CHD6: variants seen among roughly 807,000 people sequenced by gnomAD.
CHD6 encodes chromodomain helicase DNA binding protein 6.
A neutral mutation model predicts 276.9 loss-of-function variants in CHD6; 50 were observed. The observed-to-expected ratio is 0.18, with a 90% CI of 0.14 to 0.23. CHD6 has a LOEUF of 0.23. Among genes scored for constraint, CHD6 ranks in the 10% least tolerant of loss-of-function variants. The pLI is 1.00. For synonymous variants in CHD6, 1,173 were observed against 1,229.3 expected (o/e 0.95, Z 0.96); for missense variants, 2,564 against 3,365.8 (o/e 0.76, Z 5.89).
In CHD6 at chr20:41,512,900, A is replaced by G; in HGVS notation, c.798T>C (p.Leu266=). ...VDDDGETIAV[L]GAGRTSALSA... is the part of the protein sequence containing the mutation. ...AGAGTGCAGATGTTCGACCAGCTCC[A>G]AGAACAGCAATTGTTTCCCCATCAT... The change falls in exon 5 of 37, where the codon CTT becomes CTC. Residue 266 remains leucine, a synonymous_variant. Coordinates refer to ENST00000373233, the MANE Select transcript of CHD6 (RefSeq NM_032221.5). 1.2e-6 allele frequency: 2 copies of G among 1,614,052 alleles called. No homozygotes were observed. The highest frequency in any genetic ancestry group is 1.7e-6 in the Non-Finnish European group (2 of 1,179,954).
intron 5 of CHD6, among the ~76,000 whole-genome samples, chr20:41,502,733 C>T (rs1431017206): frequency 3.9e-5 from 6 of 152,148 alleles, no homozygotes; most frequent in Admixed American, 2.0e-4. Flanking sequence ...TGGCTGGGCA[C>T]GGTGGCTCAT....
chr20:41,598,472 G>A (rs2045741511), intron 1 of CHD6, among the ~76,000 whole-genome samples: 1 of 152,194 alleles, frequency 6.6e-6, no homozygotes. Flanking sequence ...GTTAACGCTT[G>A]TGCAACGGGC....
intron 27 of CHD6, among the ~76,000 whole-genome samples, chr20:41,435,818 AG>A (rs1475214902): frequency 1.6e-4 from 25 of 152,318 alleles, no homozygotes; most frequent in African/African-American, 6.0e-4. Context: ...TTGAAAAAGA[AG>A]AAAAAAGTGG....
At chr20:41,579,577 A>G (rs146133362) in intron 1 of CHD6, among the ~76,000 whole-genome samples, 12 of 152,314 alleles carry the variant, frequency 7.9e-5, no homozygotes, top group African/African-American at 2.9e-4. Flanking sequence ...AACATCTGAT[A>G]CTAGTGGTCT....
At chr20:41,516,790 CA>C (rs2044262713) in intron 3 of CHD6, among the ~76,000 whole-genome samples, 3 of 152,192 alleles carry the variant, frequency 2.0e-5, no homozygotes, top group East Asian at 3.9e-4. Context: ...GCCATGAAAG[CA>C]GGTCCAGGAA....
chr20:41,609,324 A>T (rs1250936736), intron 1 of CHD6, among the ~76,000 whole-genome samples: 1 of 152,202 alleles, frequency 6.6e-6, no homozygotes, highest in Non-Finnish European at 1.5e-5. Flanking sequence ...CTAGAACTTG[A>T]CATCCTTAGA....
intron 36 of CHD6, among the ~76,000 whole-genome samples, chr20:41,407,498 A>G (rs768610448): frequency 5.9e-5 from 9 of 152,244 alleles, no homozygotes; most frequent in Non-Finnish European, 1.3e-4. Flanking sequence ...TCTATTTACA[A>G]TCTGCCTAAG....
chr20:41,486,734 C>T (rs1372123092), intron 14 of CHD6, among the ~76,000 whole-genome samples: 1 of 152,224 alleles, frequency 6.6e-6, no homozygotes, highest in African/African-American at 2.4e-5. Context: ...CATCTTCCCA[C>T]AATATAACCC....
intron 1 of CHD6, among the ~76,000 whole-genome samples, chr20:41,558,772 AT>A (rs1264319720): frequency 6.6e-6 from 1 of 151,826 alleles, no homozygotes; most frequent in Non-Finnish European, 1.5e-5. Context: ...TCCTCATTTC[AT>A]TCAGGACTCT....
intron 1 of CHD6, among the ~76,000 whole-genome samples, chr20:41,586,081 C>A (rs1283327327): frequency 6.6e-6 from 1 of 152,194 alleles, no homozygotes; most frequent in Non-Finnish European, 1.5e-5. Context: ...GGAGGAGGGA[C>A]AATGACTGGG....
intron 36 of CHD6, 113 bp from the exon 37 acceptor site, chr20:41,405,602 G>A (rs1281033871): frequency 2.6e-6 from 2 of 776,138 alleles, no homozygotes. Context: ...TGCACGAAGG[G>A]TTCCCAGTAC....
intron 12 of CHD6, among the ~76,000 whole-genome samples, chr20:41,489,097 T>C (rs753341078): frequency 7.9e-5 from 12 of 152,192 alleles, no homozygotes; most frequent in Admixed American, 2.0e-4. Context: ...AGCTTTGTTT[T>C]TCAGACTGTC....
intron 27 of CHD6, among the ~76,000 whole-genome samples, chr20:41,431,218 C>A (rs1484417067): frequency 2.0e-5 from 3 of 152,172 alleles, no homozygotes; most frequent in Admixed American, 2.0e-4. Flanking sequence ...TTGCTTCAAT[C>A]CACTGCTTCT....
intron 5 of CHD6, among the ~76,000 whole-genome samples, chr20:41,511,498 C>G (rs1431376589): frequency 6.6e-6 from 1 of 152,202 alleles, no homozygotes; most frequent in South Asian, 2.1e-4. Context: ...TTCCTTGACA[C>G]TGCTGTCAAT....
chr20:41,440,963 T>C (rs2047884140), intron 25 of CHD6, among the ~76,000 whole-genome samples: 1 of 152,210 alleles, frequency 6.6e-6, no homozygotes, highest in African/African-American at 2.4e-5. Context: ...TGTTCTCGTA[T>C]CACTGTTGAT....
At chr20:41,472,251 A>G (rs6016564) in intron 17 of CHD6, among the ~76,000 whole-genome samples, 34,862 of 151,534 alleles carry the variant, frequency 0.23, 4,190 homozygotes, top group East Asian at 0.39. Flanking sequence ...CAAAAAAAAA[A>G]AAAAAAGAAA....
intron 1 of CHD6, among the ~76,000 whole-genome samples, chr20:41,587,835 A>C (rs1008538822): frequency 6.6e-5 from 10 of 152,262 alleles, no homozygotes; most frequent in African/African-American, 2.4e-4. Flanking sequence ...CAAACCAAAA[A>C]AAACCCAAAA....
At chr20:41,561,701 T>C (rs186422678) in intron 1 of CHD6, among the ~76,000 whole-genome samples, 307 of 152,320 alleles carry the variant, frequency 2.0e-3, no homozygotes, top group African/African-American at 6.6e-3. Context: ...ATGTTTCTAT[T>C]CTATCTGGAT....
chr20:41,545,975 C>A (rs933573846), intron 2 of CHD6, among the ~76,000 whole-genome samples: 2 of 152,154 alleles, frequency 1.3e-5, no homozygotes, highest in African/African-American at 4.8e-5. Flanking sequence ...AGAGCATGAT[C>A]TTCCACCACA....
Sources: gnomAD v4.1 joint callset for allele counts (sites outside exome capture counted in the v4.1 genomes callset) on GRCh38, gnomAD v4.1.1 for gene constraint, MANE v1.5 for transcripts, NCBI Gene and HGNC (gene_info 2026-07-23, HGNC 2026-07-21) for gene names.